SPTBN1: variants seen among roughly 807,000 people sequenced by gnomAD.
SPTBN1 encodes the protein spectrin beta chain, non-erythrocytic 1.
SPTBN1 carries 32 observed loss-of-function variants against 266.4 expected under a neutral mutation model. The ratio of observed to expected loss-of-function variants is 0.12; its 90% CI spans 0.09 to 0.16. The LOEUF is 0.16. SPTBN1 is among the 10% of genes least tolerant of loss of function. The probability of loss-of-function intolerance (pLI) is 1.00; values close to 1 mark genes in which losing one functional copy is unlikely to be tolerated. For missense variants in SPTBN1, 2,296 were observed against 3,067.1 expected (o/e 0.75, Z 5.94); for synonymous variants, 1,336 against 1,162.2 (o/e 1.15, Z -3.04).
chr2:54,461,808 T>G (rs962571362), intron 1 of SPTBN1, among the ~76,000 whole-genome samples: 3 of 152,272 alleles, frequency 2.0e-5, no homozygotes, highest in Non-Finnish European at 4.4e-5. Flanking sequence ...ACTAATCCTT[T>G]GTGGATTACA....
rs1680115645 is a variant in SPTBN1, at chr2:54,649,291, C to G, written c.5202+101C>G. The G allele has an allele frequency of 7.8e-7, 1 of 1,284,378 alleles. No homozygotes were observed. Among genetic ancestry groups the G allele is most frequent in the African/African-American group, 1.5e-5 (1 of 67,232 alleles). The allele number at this position is 1,284,378 out of a possible 1,614,324, so 79.6% of individuals were successfully genotyped here. A position where few individuals can be genotyped will look rare whatever the true frequency, so the allele number is the denominator to read the frequency against. Reference sequence around the variant, plus strand: ...GTGAGCAGATAAAATGCCCTGGACTCCAATCAGAGGTCTTGGGGTTTAGTT... The same window carrying G: ...GTGAGCAGATAAAATGCCCTGGACTGCAATCAGAGGTCTTGGGGTTTAGTT... On this transcript the variant is annotated intron_variant, in intron 25 of 35. Coordinates refer to ENST00000356805, the MANE Select transcript of SPTBN1 (RefSeq NM_003128.3). This position sits in a 1 kb window ranked among gnomAD's most constrained non-coding sequence, Gnocchi z 6.7.
Position 54,558,693 on chromosome 2 carries a change from G to C in SPTBN1, c.148+32127G>C. The C allele has an allele frequency of 1.3e-6, 2 of 1,545,868 alleles. No individual in the cohort carries two copies. The highest frequency in any genetic ancestry group is 3.7e-5 in the Admixed American group (2 of 53,486). On this transcript the variant is annotated intron_variant, in intron 2 of 35. Coordinates refer to ENST00000356805, the MANE Select transcript of SPTBN1 (RefSeq NM_003128.3). The surrounding 1 kb of genome is among the most constrained non-coding windows in gnomAD (Gnocchi z 4.6). ...CTCGCCTAAGGAGCCGAGCGCTGCGGAGGCTGCTGCGTGTTGGATGGGAGT... is the reference window on the plus strand; with the variant it reads ...CTCGCCTAAGGAGCCGAGCGCTGCGCAGGCTGCTGCGTGTTGGATGGGAGT...
At chr2:54,462,091 T>C (rs531374553) in intron 1 of SPTBN1, among the ~76,000 whole-genome samples, 8 of 152,364 alleles carry the variant, frequency 5.3e-5, no homozygotes, top group South Asian at 2.1e-4. Context: ...GCTAGTTAGT[T>C]ACTCAAGACC....
chr2:54,483,820 T>C (rs1668214496), intron 1 of SPTBN1, among the ~76,000 whole-genome samples: 2 of 152,214 alleles, frequency 1.3e-5, no homozygotes, highest in African/African-American at 4.8e-5. Flanking sequence ...GGGTGAAGTT[T>C]AAGTGCCTGT....
rs1680475453 is a variant in SPTBN1 at position 54,653,913 on chromosome 2, CT to C, written c.5822+62del. On this transcript the variant is annotated intron_variant, in intron 27 of 35. Coordinates refer to ENST00000356805, the MANE Select transcript of SPTBN1 (RefSeq NM_003128.3). This position sits in a 1 kb window ranked among gnomAD's most constrained non-coding sequence, Gnocchi z 5.1. ...TGGCGCTTGGTTAAAACACAGGAGTCTTCCAGAGAGAAGCAGGAGCCTTGAA... is the reference window on the plus strand; with the variant it reads ...TGGCGCTTGGTTAAAACACAGGAGTCTCCAGAGAGAAGCAGGAGCCTTGAA... 1 of 1,578,542 alleles carries C rather than the reference CT, an allele frequency of 6.3e-7. No individual in the cohort carries two copies. Among genetic ancestry groups the C allele is most frequent in the Non-Finnish European group, 8.5e-7 (1 of 1,169,818 alleles).
intron 3 of SPTBN1, among the ~76,000 whole-genome samples, chr2:54,599,974 C>T (rs1676372800): frequency 6.6e-6 from 1 of 152,210 alleles, no homozygotes; most frequent in African/African-American, 2.4e-5. Flanking sequence ...TGTATCCTCC[C>T]AGAGCACATG....
At chr2:54,549,587 A>G (rs1225196601) in intron 2 of SPTBN1, among the ~76,000 whole-genome samples, 1 of 152,168 alleles carries the variant, frequency 6.6e-6, no homozygotes, top group African/African-American at 2.4e-5. Context: ...ACTTTCCATT[A>G]TTTTAATTAA....
intron 1 of SPTBN1, among the ~76,000 whole-genome samples, chr2:54,471,814 T>TTTTTTTTTTC: frequency 6.7e-6 from 1 of 148,956 alleles, no homozygotes; most frequent in Non-Finnish European, 1.5e-5. Context: ...TTTTTTTTTT[T>TTTTTTTTTTC]TTTTTGCTGT....
At chr2:54,503,236 G>A (rs1026642805) in intron 1 of SPTBN1, among the ~76,000 whole-genome samples, 5 of 152,194 alleles carry the variant, frequency 3.3e-5, no homozygotes, top group African/African-American at 1.2e-4. Context: ...GCTCCGCATG[G>A]AGATATGAAC....
In SPTBN1 at chr2:54,639,680, G is replaced by A. The variant is rs577549572; in HGVS notation, c.3858+1877G>A. 5.3e-5 allele frequency among the ~76,000 whole-genome samples: 8 copies of A among 152,348 alleles called. No individual in the cohort carries two copies. The South Asian group carries it at 1.7e-3, about 32-fold the overall frequency. Reference sequence around the variant, plus strand: ...CTTCCCGATAGAATCACAGGAAATGGTCAGTCTTAATAGGTCTTTAGATCT... The same window carrying A: ...CTTCCCGATAGAATCACAGGAAATGATCAGTCTTAATAGGTCTTTAGATCT... On this transcript the variant is annotated intron_variant, in intron 18 of 35. Coordinates refer to ENST00000356805, the MANE Select transcript of SPTBN1 (RefSeq NM_003128.3).
chr2:54,479,399 C>T (rs1194315421), intron 1 of SPTBN1, among the ~76,000 whole-genome samples: 2 of 152,174 alleles, frequency 1.3e-5, no homozygotes, highest in African/African-American at 4.8e-5. Context: ...GAGTATTTTA[C>T]AGTGGTTAGG....
At chr2:54,636,267 A>G (rs1679124907) in intron 17 of SPTBN1, among the ~76,000 whole-genome samples, 1 of 152,178 alleles carries the variant, frequency 6.6e-6, no homozygotes, top group African/African-American at 2.4e-5. Flanking sequence ...CTTTCAACTT[A>G]AAAAAATTAA....
intron 32 of SPTBN1, chr2:54,661,523 C>G (rs1436975552): frequency 1.0e-6 from 1 of 985,556 alleles, no homozygotes; most frequent in Non-Finnish European, 1.2e-6. Context: ...CTACTTCTGA[C>G]TGTAGATGGG....
intron 1 of SPTBN1, among the ~76,000 whole-genome samples, chr2:54,508,294 G>A (rs1038909757): frequency 4.6e-5 from 7 of 152,190 alleles, no homozygotes; most frequent in African/African-American, 7.2e-5. Flanking sequence ...TCCAGTGAAA[G>A]TGTCTACCCA....
intron 1 of SPTBN1, among the ~76,000 whole-genome samples, chr2:54,489,486 A>G (rs570108866): frequency 1.3e-5 from 2 of 152,274 alleles, no homozygotes; most frequent in East Asian, 3.9e-4. Flanking sequence ...GGATCACTTA[A>G]GGCCAGGAGT....
At chr2:54,477,211 A>G (rs1223930586) in intron 1 of SPTBN1, among the ~76,000 whole-genome samples, 2 of 152,174 alleles carry the variant, frequency 1.3e-5, no homozygotes, top group African/African-American at 4.8e-5. Flanking sequence ...GTTGCCAGGG[A>G]TTTTATGCCT....
chr2:54,647,339 GA>G (rs1679990605), intron 24 of SPTBN1, 78 bp downstream of exon 24: 2 of 1,557,122 alleles, frequency 1.3e-6, no homozygotes. Flanking sequence ...CCCACCAAAA[GA>G]AAATGTCAGC....
chr2:54,658,603 G>A (rs975185195), intron 30 of SPTBN1, among the ~76,000 whole-genome samples: 7 of 152,166 alleles, frequency 4.6e-5, no homozygotes, highest in Admixed American at 3.9e-4. Flanking sequence ...CCAGTTCTGG[G>A]TGTTTAAAAT....
chr2:54,638,232 G>A (rs1679284942), intron 18 of SPTBN1, among the ~76,000 whole-genome samples: 1 of 152,218 alleles, frequency 6.6e-6, no homozygotes, highest in Admixed American at 6.5e-5. Context: ...GTCAAAGGAA[G>A]TTGTATTGGA....
Sources: gnomAD v4.1 joint callset for allele counts (sites outside exome capture counted in the v4.1 genomes callset) on GRCh38, gnomAD v4.1.1 for gene constraint, Gnocchi (gnomAD v3.1) non-coding constraint, MANE v1.5 for transcripts, NCBI Gene and HGNC (gene_info 2026-07-23, HGNC 2026-07-21) for gene names.